The following ZNF382 variants were observed in gnomAD, a reference collection of about 807,000 sequenced individuals.
ZNF382 encodes the protein zinc finger protein 382, also known as KRAB/zinc finger suppressor protein 1.
A neutral mutation model predicts 38.8 loss-of-function variants in ZNF382; 20 were observed. The observed-to-expected ratio is 0.51, with a 90% CI of 0.36 to 0.75. The LOEUF (loss-of-function observed/expected upper bound fraction) is 0.75. ZNF382 is among the 30% of genes least tolerant of loss of function. The pLI is 0.00. For synonymous variants in ZNF382, 202 were observed against 223.1 expected, an observed-to-expected ratio of 0.91 and a Z score of 0.84; for missense variants, 546 against 654.1, an observed-to-expected ratio of 0.83 and a Z score of 1.80.
At chr19:36,619,660 A>G (rs1382532929) in intron 4 of ZNF382, among the ~76,000 whole-genome samples, 1 of 152,224 alleles carries the variant, frequency 6.6e-6, no homozygotes, top group African/African-American at 2.4e-5. Flanking sequence ...TGAAAGCAAG[A>G]AAGGAAAAAA....
At chr19:36,609,160 G>T (rs2037057773) in intron 2 of ZNF382, 1 of 152,104 alleles carries the variant, frequency 6.6e-6, no homozygotes, top group Admixed American at 6.5e-5. Context: ...TGTATAAGAC[G>T]GTCTATTGGA....
Position 36,626,339 on chromosome 19 carries a change from G to C in ZNF382, c.442G>C (p.Glu148Gln), listed in dbSNP as rs566322984. The change falls in exon 5 of 5, where the codon GAA becomes CAA. Residue 148 changes from glutamate to glutamine, a missense_variant. Glu to Gln is a conservative substitution (Grantham distance 29). Coordinates refer to ENST00000292928, the MANE Select transcript of ZNF382 (RefSeq NM_032825.5). The part of the protein sequence containing the change: ...PDGKVLKNIS[E>Q]LVIRNISPIK... ...TGGAAAAGTTTTGAAAAATATTTCAGAACTAGTCATTAGAAATATAAGCCC... is the reference window on the plus strand; with the variant it reads ...TGGAAAAGTTTTGAAAAATATTTCACAACTAGTCATTAGAAATATAAGCCC... 1 of 1,581,976 alleles carries C rather than the reference G, an allele frequency of 6.3e-7. No individual in the cohort carries two copies. Among genetic ancestry groups the C allele is most frequent in the Non-Finnish European group, 8.6e-7 (1 of 1,169,462 alleles).
chr19:36,633,391 G>GATATGTGACAATACCAAGTGCTGACAAC lies in ZNF382; in HGVS notation c.*5842_*5843insTATGTGACAATACCAAGTGCTGACAACA, dbSNP rs2037265989. On this transcript the variant is annotated 3_prime_UTR_variant, in exon 5 of 5. Transcript: ENST00000292928. ...ATGTGACAATACCAAGTGCTGACAA[G>GATATGTGACAATACCAAGTGCTGACAAC]AATGTGGAACAACTGGAACTCTTTC... 6.6e-6 allele frequency: 1 copy of GATATGTGACAATACCAAGTGCTGACAAC among 152,130 alleles called. No individual in the cohort carries two copies. The highest frequency in any genetic ancestry group is 2.4e-5 in the African/African-American group (1 of 41,428). 9.4% of individuals were successfully genotyped at this position (152,130 alleles called of 1,614,324 possible).
At chr19:36,614,924 CCT>C (rs1190988487) in intron 4 of ZNF382, among the ~76,000 whole-genome samples, 70 of 56,140 alleles carry the variant, frequency 1.2e-3, no homozygotes, top group African/African-American at 1.3e-3. Context: ...CTTCCCTTTC[CCT>C]TTCCCTTTCC....
At chr19:36,621,903 A>T (rs781763096) in intron 4 of ZNF382, among the ~76,000 whole-genome samples, 4 of 152,128 alleles carry the variant, frequency 2.6e-5, no homozygotes, top group Non-Finnish European at 4.4e-5. Context: ...TATGTTCCAT[A>T]TATACTTGCA....
chr19:36,612,498 G>A (rs951338213), intron 4 of ZNF382, among the ~76,000 whole-genome samples: 1 of 152,156 alleles, frequency 6.6e-6, no homozygotes, highest in Non-Finnish European at 1.5e-5. Flanking sequence ...TCATAAGGCA[G>A]ATGCGTATTT....
At chr19:36,612,079 C>T (rs1006635517) in intron 4 of ZNF382, among the ~76,000 whole-genome samples, 3 of 152,168 alleles carry the variant, frequency 2.0e-5, no homozygotes, top group African/African-American at 7.2e-5. Flanking sequence ...GATAAACCCA[C>T]GTATCTCACA....
At chr19:36,610,618 C>T in intron 3 of ZNF382, 32 bp from the exon 4 acceptor site, 1 of 1,581,038 alleles carries the variant, frequency 6.3e-7, no homozygotes, top group Non-Finnish European at 8.6e-7. Context: ...GTCGAAACAG[C>T]TTAGACCAAA....
rs2037249523 is a variant in ZNF382, at chr19:36,630,777, T to A, written c.*3227T>A. The A allele has an allele frequency of 6.6e-6, 1 of 152,060 alleles. No homozygotes were observed. Among genetic ancestry groups the A allele is most frequent in the Admixed American group, 6.6e-5 (1 of 15,244 alleles). 9.4% of individuals were successfully genotyped at this position (152,060 alleles called of 1,614,324 possible). On this transcript the variant is annotated 3_prime_UTR_variant, in exon 5 of 5. Coordinates refer to ENST00000292928, the MANE Select transcript of ZNF382 (RefSeq NM_032825.5). ...GATTTCTTTTGAAGAAATCAGAAATTTTCTTTGCATTTTTTTTATTTTTTT... is the reference window on the plus strand; with the variant it reads ...GATTTCTTTTGAAGAAATCAGAAATATTCTTTGCATTTTTTTTATTTTTTT...
At chr19:36,608,280 A>G (rs886297151) in intron 2 of ZNF382, 32 of 152,294 alleles carry the variant, frequency 2.1e-4, no homozygotes, top group African/African-American at 7.2e-4. Flanking sequence ...CTCCTCTCTG[A>G]TCTTTTTTCA....
intron 4 of ZNF382, among the ~76,000 whole-genome samples, chr19:36,614,845 A>G (rs1228368382): frequency 6.7e-6 from 1 of 150,198 alleles, no homozygotes; most frequent in African/African-American, 2.4e-5. Flanking sequence ...CGGGAGTCGG[A>G]GGTTGCAATG....
At chr19:36,610,465 A>AG (rs2037068272) in intron 3 of ZNF382, 185 bp from the exon 4 acceptor site, 1 of 467,616 alleles carries the variant, frequency 2.1e-6, no homozygotes, top group Admixed American at 3.9e-5. Context: ...AAAAAAAAAA[A>AG]GAAAAGAAAA....
chr19:36,624,529 T>C (rs2037194689), intron 4 of ZNF382, among the ~76,000 whole-genome samples: 1 of 152,234 alleles, frequency 6.6e-6, no homozygotes. Context: ...TACAATAATT[T>C]TTTTTAAATA....
At chr19:36,615,527 T>G (rs1359413291) in intron 4 of ZNF382, among the ~76,000 whole-genome samples, 2 of 152,156 alleles carry the variant, frequency 1.3e-5, no homozygotes, top group African/African-American at 4.8e-5. Flanking sequence ...TCCACTTATA[T>G]TGACCTACAC....
rs2037250495 is a variant in ZNF382, at chr19:36,630,966, A to G, written c.*3416A>G. The stretch of plus-strand genomic sequence containing the variant: ...CTCTCAGCTAATGTTTTTATTTTTT[A>G]TACATATGGGGTCTCGTTGTGTTGC... On this transcript the variant is annotated 3_prime_UTR_variant, in exon 5 of 5. Transcript: ENST00000292928. The G allele has an allele frequency of 6.6e-6, 1 of 151,238 alleles. No individual in the cohort carries two copies. Among genetic ancestry groups the G allele is most frequent in the Non-Finnish European group, 1.5e-5 (1 of 67,830 alleles). 9.4% of individuals were successfully genotyped at this position (151,238 alleles called of 1,614,324 possible).
intron 4 of ZNF382, among the ~76,000 whole-genome samples, chr19:36,619,978 G>T (rs572183887): frequency 6.6e-6 from 1 of 152,084 alleles, no homozygotes; most frequent in Non-Finnish European, 1.5e-5. Flanking sequence ...AGATCTGCCC[G>T]CCCCGGCCTC....
chr19:36,617,885 C>G (rs903923404), intron 4 of ZNF382, among the ~76,000 whole-genome samples: 3 of 152,052 alleles, frequency 2.0e-5, no homozygotes, highest in Non-Finnish European at 4.4e-5. Context: ...CTGGGCCCTT[C>G]GGTGGACATG....
In ZNF382 at chr19:36,621,329, T is replaced by G. The variant is rs1461522778; in HGVS notation, c.233-4801T>G. Among the ~76,000 whole-genome samples, 735 of 150,292 alleles carry G rather than the reference T, an allele frequency of 4.9e-3. 17 individuals are homozygous for G. The highest frequency in any genetic ancestry group is 0.033 in the Admixed American group (496 of 14,974). ...TTTGCCATGATTTTTCCCTAGTTTT[T>G]TTTTTTTTTTTTTTTTTCCAGTTTT... is the stretch of plus-strand genomic sequence containing the variant. On this transcript the variant is annotated intron_variant, in intron 4 of 4. Coordinates refer to ENST00000292928, the MANE Select transcript of ZNF382 (RefSeq NM_032825.5).
intron 4 of ZNF382, among the ~76,000 whole-genome samples, chr19:36,613,433 T>TC (rs1435897918): frequency 6.7e-6 from 1 of 150,196 alleles, no homozygotes; most frequent in African/African-American, 2.4e-5. Flanking sequence ...TTTTTTTTTT[T>TC]TTTTTTTGAG....
Sources: allele counts gnomAD v4.1 joint callset (sites outside exome capture counted in the v4.1 genomes callset), GRCh38; gene constraint gnomAD v4.1.1; transcripts MANE v1.5; gene names NCBI Gene and HGNC (gene_info 2026-07-23, HGNC 2026-07-21).